C4BPA: variants seen among roughly 807,000 people sequenced by gnomAD.
C4BPA encodes the protein complement component 4 binding protein alpha, also known as C4b-binding protein alpha chain.
C4BPA carries 31 observed loss-of-function variants against 63.7 expected under a neutral mutation model. The observed-to-expected ratio is 0.49, with a 90% confidence interval of 0.37 to 0.66. C4BPA has a LOEUF of 0.66. C4BPA is among the 30% of genes least tolerant of loss of function. The pLI is 0.00. For synonymous variants in C4BPA, 259 were observed against 254.7 expected, an observed-to-expected ratio of 1.02 and a Z score of -0.16; for missense variants, 572 against 723.3, an observed-to-expected ratio of 0.79 and a Z score of 2.40.
intron 9 of C4BPA, among the ~76,000 whole-genome samples, chr1:207,138,333 A>G (rs1262528069): frequency 6.6e-6 from 1 of 152,112 alleles, no homozygotes; most frequent in Non-Finnish European, 1.5e-5. Context: ...CTTATAATGA[A>G]TGGTTGCCTG....
intron 1 of C4BPA, among the ~76,000 whole-genome samples, chr1:207,109,531 C>T (rs1252219294): frequency 2.0e-5 from 3 of 152,152 alleles, no homozygotes; most frequent in African/African-American, 7.2e-5. Context: ...GACTCGGTTC[C>T]CATGTGGTAG....
chr1:207,114,024 C>A, intron 2 of C4BPA, 76 bp from the exon 3 acceptor site: 2 of 1,252,616 alleles, frequency 1.6e-6, no homozygotes, highest in Non-Finnish European at 1.1e-6. Flanking sequence ...CTGCTCTAAA[C>A]ATCACACTTC....
chr1:207,141,089 T>C lies in C4BPA; in HGVS notation c.1274-17T>C, dbSNP rs762076342. On this transcript the variant is annotated splice_polypyrimidine_tract_variant and intron_variant, in intron 9 of 11. Transcript: ENST00000367070. ...TTACAAACTAATGCTCTCTCACTTT[T>C]TTGTCTCTCCCTCAAGTTTGCAATT... 1 of 1,600,874 alleles carries C rather than the reference T, an allele frequency of 6.2e-7. No individual in the cohort carries two copies.
At chr1:207,112,014 A>G (rs1684676230) in intron 1 of C4BPA, among the ~76,000 whole-genome samples, 1 of 152,118 alleles carries the variant, frequency 6.6e-6, no homozygotes, top group Non-Finnish European at 1.5e-5. Flanking sequence ...ACTATTGAGT[A>G]TCTACCCAAA....
At chr1:207,121,217 A>G (rs1477885517) in intron 4 of C4BPA, among the ~76,000 whole-genome samples, 4 of 152,170 alleles carry the variant, frequency 2.6e-5, no homozygotes, top group Admixed American at 1.3e-4. Flanking sequence ...TAATTATTTT[A>G]ACCATTATAA....
chr1:207,135,493 A>G (rs1685263849), intron 9 of C4BPA, among the ~76,000 whole-genome samples: 1 of 152,158 alleles, frequency 6.6e-6, no homozygotes, highest in Non-Finnish European at 1.5e-5. Context: ...GAAAATTCCT[A>G]TCTCCCACTT....
At chr1:207,111,015 T>C (rs1684657523) in intron 1 of C4BPA, among the ~76,000 whole-genome samples, 1 of 152,228 alleles carries the variant, frequency 6.6e-6, no homozygotes, top group Non-Finnish European at 1.5e-5. Context: ...TTGTCAAAAA[T>C]TGAAGAAACT....
intron 9 of C4BPA, among the ~76,000 whole-genome samples, chr1:207,138,908 CTATTTTT>C (rs1685351322): frequency 6.6e-6 from 1 of 152,144 alleles, no homozygotes; most frequent in African/African-American, 2.4e-5. Context: ...ACACCTGACT[CTATTTTT>C]TATTGTATTT....
chr1:207,137,231 ATC>A (rs1428284611), intron 9 of C4BPA, among the ~76,000 whole-genome samples: 1 of 152,230 alleles, frequency 6.6e-6, no homozygotes, highest in Admixed American at 6.5e-5. Flanking sequence ...GGTGGAGGTG[ATC>A]TCTCACTTCT....
At chr1:207,116,495 AGTGTGTGTGTGTGTGTGTATATGT>A (rs772062523) in intron 4 of C4BPA, among the ~76,000 whole-genome samples, 4 of 124,406 alleles carry the variant, frequency 3.2e-5, no homozygotes, top group Non-Finnish European at 6.6e-5. Context: ...CTTTTCCCAC[AGTGTGTGTGTGTGTGTGTATATGT>A]GTGTGTGTGT....
chr1:207,105,439 C>T (rs1684538881), intron 1 of C4BPA, among the ~76,000 whole-genome samples: 1 of 151,732 alleles, frequency 6.6e-6, no homozygotes, highest in East Asian at 1.9e-4. Context: ...TGTCTGTAAT[C>T]CCAGCTACTT....
At chr1:207,126,622 G>T in intron 6 of C4BPA, 91 bp from the exon 7 acceptor site, 1 of 882,414 alleles carries the variant, frequency 1.1e-6, no homozygotes, top group Non-Finnish European at 1.8e-6. Flanking sequence ...AGGCATTTGT[G>T]TTGCACTTGT....
At chr1:207,107,487 T>C (rs892216059) in intron 1 of C4BPA, among the ~76,000 whole-genome samples, 7 of 152,164 alleles carry the variant, frequency 4.6e-5, no homozygotes, top group Non-Finnish European at 8.8e-5. Context: ...AGGTTGAGGC[T>C]GCAGTGAGCT....
chr1:207,138,076 G>C (rs1685329634), intron 9 of C4BPA, among the ~76,000 whole-genome samples: 1 of 152,152 alleles, frequency 6.6e-6, no homozygotes, highest in African/African-American at 2.4e-5. Flanking sequence ...CAGATGGTTG[G>C]GGGACCTTAG....
intron 7 of C4BPA, among the ~76,000 whole-genome samples, chr1:207,129,869 A>G (rs969849577): frequency 6.6e-6 from 1 of 152,104 alleles, no homozygotes; most frequent in East Asian, 1.9e-4. Flanking sequence ...TAATCTTCTT[A>G]TTCTTCATTT....
At chr1:207,122,895 T>G (rs1684949540) in intron 4 of C4BPA, among the ~76,000 whole-genome samples, 2 of 152,200 alleles carry the variant, frequency 1.3e-5, no homozygotes, top group South Asian at 4.1e-4. Flanking sequence ...TTTAAAAAGC[T>G]ATTTTGTTCT....
chr1:207,109,332 T>C (rs1684621053), intron 1 of C4BPA, among the ~76,000 whole-genome samples: 1 of 152,260 alleles, frequency 6.6e-6, no homozygotes, highest in Non-Finnish European at 1.5e-5. Flanking sequence ...GTTTGGCTTC[T>C]GACAGAGTGA....
chr1:207,119,055 C>T (rs1684873300), intron 4 of C4BPA, among the ~76,000 whole-genome samples: 1 of 43,502 alleles, frequency 2.3e-5, no homozygotes, highest in African/African-American at 5.1e-5. Context: ...CAAAGATGAG[C>T]GAGTAAAGCC....
chr1:207,123,799 G>A, intron 4 of C4BPA, 123 bp from the exon 5 acceptor site: 1 of 628,278 alleles, frequency 1.6e-6, no homozygotes, highest in Non-Finnish European at 2.8e-6. Flanking sequence ...AATGGGAAAT[G>A]ATATCCAAGA....
Sources: allele counts gnomAD v4.1 joint callset (sites outside exome capture counted in the v4.1 genomes callset), GRCh38; gene constraint gnomAD v4.1.1; transcripts MANE v1.5; gene names NCBI Gene and HGNC (gene_info 2026-07-23, HGNC 2026-07-21).